The following LPP variants were observed in gnomAD, a reference collection of about 807,000 sequenced individuals.
LPP encodes LIM domain containing preferred translocation partner in lipoma.
LPP carries 38 observed loss-of-function variants against 60.4 expected under a neutral mutation model. The observed-to-expected ratio is 0.63, with a 90% CI of 0.49 to 0.83. LPP has a LOEUF of 0.83. Among genes scored for constraint, LPP ranks in the 40% least tolerant of loss-of-function variants. LPP has a pLI of 0.00. For missense variants in LPP, 902 were observed against 783.6 expected (o/e 1.15, Z -1.80); for synonymous variants, 328 against 290.8 (o/e 1.13, Z -1.30).
chr3:188,880,789 A>G lies in LPP; in HGVS notation c.*6310A>G, dbSNP rs917784110. The G allele has an allele frequency of 1.5e-4, 27 of 181,238 alleles. No homozygotes were observed. Among genetic ancestry groups the G allele is most frequent in the Non-Finnish European group, 2.4e-4 (20 of 84,898 alleles). 11.2% of individuals were successfully genotyped at this position (181,238 alleles called of 1,614,324 possible). On this transcript the variant is annotated 3_prime_UTR_variant, in exon 12 of 12. Coordinates refer to ENST00000617246, the MANE Select transcript of LPP (RefSeq NM_001375462.1). ...CGAATGGAATGTTCTACCAAGAAAG[A>G]GAAGCATCACCATGTCATCTTGTGT...
chr3:188,170,663 AT>A (rs80059801), intron 1 of LPP, among the ~76,000 whole-genome samples: 53,169 of 151,782 alleles, frequency 0.35, 10,064 homozygotes, highest in Non-Finnish European at 0.43. Context: ...CAACAGCATC[AT>A]TCTAGTCAGT....
intron 9 of LPP, among the ~76,000 whole-genome samples, chr3:188,827,505 A>C (rs1037350221): frequency 6.6e-6 from 1 of 152,158 alleles, no homozygotes; most frequent in African/African-American, 2.4e-5. Context: ...GAAAAGTCCT[A>C]CTCAGTTTCA....
chr3:188,582,154 C>CTTTTTTTTTTTTT (rs10565240), intron 6 of LPP, among the ~76,000 whole-genome samples: 344 of 102,242 alleles, frequency 3.4e-3, no homozygotes, highest in Non-Finnish European at 4.1e-3. Flanking sequence ...TTTTCTTTTT[C>CTTTTTTTTTTTTT]TTTTTTTTTT....
intron 7 of LPP, among the ~76,000 whole-genome samples, chr3:188,641,801 G>A (rs1850192632): frequency 6.6e-6 from 1 of 152,200 alleles, no homozygotes; most frequent in Non-Finnish European, 1.5e-5. Context: ...CAACACTTCT[G>A]TTAATTCACA....
rs796800488 is a variant in LPP, at chr3:188,801,022, A to G, written c.1410+40740A>G. 2.0e-5 allele frequency among the ~76,000 whole-genome samples: 3 copies of G among 152,166 alleles called. No homozygotes were observed. The South Asian group carries it at 6.2e-4, about 32-fold the overall frequency. ...AGCTGACTGGCTGGCAGAGCTCTCCATGGCCTTACCTCCCCTTCCTCTTCT... is the reference window on the plus strand; with the variant it reads ...AGCTGACTGGCTGGCAGAGCTCTCCGTGGCCTTACCTCCCCTTCCTCTTCT... On this transcript the variant is annotated intron_variant, in intron 9 of 11. Transcript: ENST00000617246.
chr3:188,798,221 A>G (rs117163258), intron 9 of LPP, among the ~76,000 whole-genome samples: 2,184 of 152,306 alleles, frequency 0.014, 112 homozygotes, highest in Admixed American at 0.11. Context: ...CCCATTCTAT[A>G]TAATAGGGGA....
At chr3:188,427,535 G>C (rs1475214156) in intron 4 of LPP, among the ~76,000 whole-genome samples, 1 of 152,088 alleles carries the variant, frequency 6.6e-6, no homozygotes, top group Non-Finnish European at 1.5e-5. Context: ...GGTGTTCTCT[G>C]TATTTCCTGA....
chr3:188,204,425 G>C (rs1295935142), intron 1 of LPP, among the ~76,000 whole-genome samples: 3 of 152,088 alleles, frequency 2.0e-5, no homozygotes, highest in African/African-American at 7.2e-5. Flanking sequence ...ACTCAGGAGG[G>C]CAACAGGGAA....
At chr3:188,599,993 AT>A (rs1276655817) in intron 6 of LPP, among the ~76,000 whole-genome samples, 1 of 151,970 alleles carries the variant, frequency 6.6e-6, no homozygotes, top group African/African-American at 2.4e-5. Context: ...AATGTGGAAA[AT>A]AAACAAAAAC....
chr3:188,426,189 C>T lies in LPP; in HGVS notation c.193+19876C>T, dbSNP rs557309825. Reference sequence around the variant, plus strand: ...TTGGTTTCAAAGAACTTATTTATTTCTGCCTTCATTTTGTTATTTACCCAG... The same window carrying T: ...TTGGTTTCAAAGAACTTATTTATTTTTGCCTTCATTTTGTTATTTACCCAG... On this transcript the variant is annotated intron_variant, in intron 4 of 11. Transcript: ENST00000617246. Among the ~76,000 whole-genome samples the T allele has an allele frequency of 3.0e-4, 45 of 152,272 alleles. No homozygotes were observed. The Middle Eastern group carries it at 0.01, about 35-fold the overall frequency.
chr3:188,855,548 T>A (rs1763640324), intron 9 of LPP, among the ~76,000 whole-genome samples: 1 of 152,184 alleles, frequency 6.6e-6, no homozygotes, highest in African/African-American at 2.4e-5. Flanking sequence ...ATTTGGGGGA[T>A]GTCTATGGGA....
At chr3:188,446,948 C>T (rs78302283) in intron 4 of LPP, among the ~76,000 whole-genome samples, 1,723 of 152,236 alleles carry the variant, frequency 0.011, 33 homozygotes, top group African/African-American at 0.039. Flanking sequence ...GACCACAGGA[C>T]GAGTGAGAGA....
chr3:188,563,891 G>A (rs1301020833), intron 6 of LPP, among the ~76,000 whole-genome samples: 6 of 151,668 alleles, frequency 4.0e-5, no homozygotes, highest in Non-Finnish European at 5.9e-5. Flanking sequence ...AGACACTTGT[G>A]GCCAAGAGAG....
intron 4 of LPP, among the ~76,000 whole-genome samples, chr3:188,407,781 TTTGTTTG>T (rs1783937100): frequency 4.9e-5 from 2 of 41,206 alleles, no homozygotes; most frequent in Non-Finnish European, 6.0e-5. Flanking sequence ...TTTTTTTTTG[TTTGTTTG>T]TTTTTTTTTT....
chr3:188,803,045 CTT>C lies in LPP; in HGVS notation c.1410+42779_1410+42780del, dbSNP rs374563246. On this transcript the variant is annotated intron_variant, in intron 9 of 11. Transcript: ENST00000617246. ...GATTAAAATACTTTTGTTGTATATG[CTT>C]TTTTTTTTTTTTTTTGAGACAGGGT... Among the ~76,000 whole-genome samples, 152 of 130,414 alleles carry C rather than the reference CTT, an allele frequency of 1.2e-3. 1 individual carries two copies. Among genetic ancestry groups the C allele is most frequent in the Admixed American group, 3.5e-3 (44 of 12,720 alleles). 85.6% of individuals were successfully genotyped at this position (130,414 alleles called of 152,430 possible).
At chr3:188,859,089 TAAAAAAAAAAA>T (rs35722501) in intron 9 of LPP, among the ~76,000 whole-genome samples, 2 of 103,940 alleles carry the variant, frequency 1.9e-5, no homozygotes, top group Non-Finnish European at 3.6e-5. Context: ...ACTCTGTCTT[TAAAAAAAAAAA>T]AAAAAAAAAA....
At chr3:188,681,055 G>C (rs1016700914) in intron 7 of LPP, among the ~76,000 whole-genome samples, 3 of 148,674 alleles carry the variant, frequency 2.0e-5, no homozygotes, top group Non-Finnish European at 3.0e-5. Context: ...GGAGTGCAGT[G>C]GCATGATCTC....
chr3:188,384,761 G>A (rs1174256016), intron 3 of LPP, among the ~76,000 whole-genome samples: 1 of 84,104 alleles, frequency 1.2e-5, no homozygotes, highest in Non-Finnish European at 2.3e-5. Flanking sequence ...CTGCACTCCA[G>A]CCTGGGCGAC....
intron 7 of LPP, among the ~76,000 whole-genome samples, chr3:188,675,441 T>C (rs1224982664): frequency 6.6e-6 from 1 of 152,210 alleles, no homozygotes; most frequent in Non-Finnish European, 1.5e-5. Flanking sequence ...ATGGTGGGGC[T>C]AAGACTGTGA....
Sources: gnomAD v4.1 joint callset for allele counts (sites outside exome capture counted in the v4.1 genomes callset) on GRCh38, gnomAD v4.1.1 for gene constraint, MANE v1.5 for transcripts, NCBI Gene and HGNC (gene_info 2026-07-23, HGNC 2026-07-21) for gene names.